The following CRCP variants were observed in gnomAD, a reference collection of about 807,000 sequenced individuals.
CRCP encodes the protein CGRP receptor component.
CRCP carries 18 observed loss-of-function variants against 18.5 expected under a neutral mutation model. The ratio of observed to expected loss-of-function variants is 0.97; its 90% confidence interval spans 0.67 to 1.44. The LOEUF is 1.44. Among genes scored for constraint, CRCP ranks in the 40% most tolerant of loss-of-function variants. The pLI, the probability that CRCP is intolerant of heterozygous loss-of-function variation, is 0.00. For missense variants in CRCP, 130 were observed against 176.4 expected, an observed-to-expected ratio of 0.74 and a Z score of 1.49; for synonymous variants, 53 against 62.9, an observed-to-expected ratio of 0.84 and a Z score of 0.75.
rs1366911076 is a variant in CRCP, at chr7:66,134,367, T to G, written c.232T>G (p.Leu78Val). Residue 78 changes from leucine (L) to valine (V), a missense_variant, in exon 4 of 6, where the codon TTG becomes GTG. Transcript: ENST00000395326. ...EFLTALKSHKLTKAEKLQLLN... is the reference protein window; with the variant it reads ...EFLTALKSHKVTKAEKLQLLN... ...TCTCACAGCATTGAAAAGCCACAAGTTGACCAAGTAAGTAAATCTCTTAAG... is the reference window on the plus strand; with the variant it reads ...TCTCACAGCATTGAAAAGCCACAAGGTGACCAAGTAAGTAAATCTCTTAAG... 1 of 1,604,208 alleles carries G rather than the reference T, an allele frequency of 6.2e-7. No individual in the cohort carries two copies. The highest frequency in any genetic ancestry group is 1.7e-5 in the Admixed American group (1 of 58,852).
At chr7:66,130,128 T>A (rs2115927668) in intron 2 of CRCP, 1 of 257,014 alleles carries the variant, frequency 3.9e-6, no homozygotes, top group Non-Finnish European at 6.9e-6. Context: ...TTTTTTCAGA[T>A]GGAGTCTCGC....
chr7:66,148,453 G>C (rs1043101281), intron 5 of CRCP, among the ~76,000 whole-genome samples: 26 of 152,310 alleles, frequency 1.7e-4, no homozygotes, highest in African/African-American at 5.5e-4. Context: ...TAACACTAGA[G>C]CCATTTTTTC....
At chr7:66,138,621 TAAAAAAAAA>T (rs34807364) in intron 4 of CRCP, among the ~76,000 whole-genome samples, 4 of 93,416 alleles carry the variant, frequency 4.3e-5, no homozygotes, top group African/African-American at 1.7e-4. Flanking sequence ...TCGTCTCTAC[TAAAAAAAAA>T]AAAAAAAAAA....
intron 4 of CRCP, among the ~76,000 whole-genome samples, chr7:66,144,474 CA>C (rs983615457): frequency 7.9e-5 from 12 of 152,102 alleles, no homozygotes; most frequent in African/African-American, 2.9e-4. Context: ...GATGACCACA[CA>C]AGATGATTTT....
At chr7:66,132,822 A>G (rs1161405380) in intron 3 of CRCP, among the ~76,000 whole-genome samples, 2 of 151,742 alleles carry the variant, frequency 1.3e-5, no homozygotes, top group Non-Finnish European at 1.5e-5. Context: ...GAGGCAGGAG[A>G]ATGGCGTGAA....
chr7:66,144,907 G>A (rs971988283), intron 4 of CRCP, among the ~76,000 whole-genome samples: 1 of 152,184 alleles, frequency 6.6e-6, no homozygotes, highest in African/African-American at 2.4e-5. Flanking sequence ...TTACCACTTT[G>A]GGAGGTCGAG....
intron 1 of CRCP, among the ~76,000 whole-genome samples, chr7:66,121,615 A>C (rs1035811012): frequency 1.3e-5 from 2 of 152,126 alleles, no homozygotes; most frequent in Non-Finnish European, 2.9e-5. Context: ...ATGCGCCACC[A>C]TGCAAAATAT....
At chr7:66,150,357 G>GTCTCAAAAAAAAAAAAA (rs1554334970) in intron 5 of CRCP, among the ~76,000 whole-genome samples, 3 of 14,948 alleles carry the variant, frequency 2.0e-4, no homozygotes, top group Admixed American at 1.7e-3. Context: ...CAAGAGTGAA[G>GTCTCAAAAAAAAAAAAA]GGGGGGAGTT....
intron 4 of CRCP, among the ~76,000 whole-genome samples, chr7:66,136,307 C>T (rs897661366): frequency 3.3e-5 from 5 of 151,940 alleles, no homozygotes; most frequent in African/African-American, 9.7e-5. Context: ...CTCGGCTCAC[C>T]GCAACCTCTG....
chr7:66,138,263 A>T (rs958290726), intron 4 of CRCP, among the ~76,000 whole-genome samples: 3 of 152,158 alleles, frequency 2.0e-5, no homozygotes, highest in Non-Finnish European at 4.4e-5. Context: ...ATCAGGCTGG[A>T]TGCAGTGGCT....
chr7:66,114,989 G>A lies in CRCP; in HGVS notation c.8+19G>A. ...TGGAAGTGTAAGTCTTCTCGGGCGC[G>A]TCCCTTTTCGCCCGAGGAGCCCAAC... On this transcript the variant is annotated intron_variant, in intron 1 of 5. Coordinates refer to ENST00000395326, the MANE Select transcript of CRCP (RefSeq NM_014478.5). 6.2e-7 allele frequency: 1 copy of A among 1,607,304 alleles called. No homozygotes were observed. The highest frequency in any genetic ancestry group is 8.5e-7 in the Non-Finnish European group (1 of 1,174,902).
chr7:66,120,176 C>T (rs1787394041), intron 1 of CRCP, among the ~76,000 whole-genome samples: 6 of 151,096 alleles, frequency 4.0e-5, no homozygotes, highest in Admixed American at 4.0e-4. Context: ...AGAGCGAGAC[C>T]CCGTCTCAAA....
At chr7:66,141,782 G>T (rs1381526020) in intron 4 of CRCP, among the ~76,000 whole-genome samples, 2 of 152,200 alleles carry the variant, frequency 1.3e-5, no homozygotes, top group African/African-American at 4.8e-5. Context: ...GAGCTAGGGT[G>T]CAGGGAGTTG....
intron 1 of CRCP, among the ~76,000 whole-genome samples, chr7:66,123,032 G>A (rs1787497249): frequency 6.7e-6 from 1 of 148,934 alleles, no homozygotes; most frequent in African/African-American, 2.5e-5. Flanking sequence ...TCGGCACACT[G>A]TAAGCTCCGC....
intron 3 of CRCP, among the ~76,000 whole-genome samples, chr7:66,131,276 C>T (rs1424720697): frequency 1.3e-5 from 2 of 151,912 alleles, no homozygotes; most frequent in African/African-American, 4.8e-5. Context: ...GCCCAGCCTA[C>T]TCTAACCTAA....
chr7:66,122,826 A>G (rs1050573518), intron 1 of CRCP, among the ~76,000 whole-genome samples: 8 of 152,068 alleles, frequency 5.3e-5, no homozygotes, highest in Admixed American at 1.3e-4. Flanking sequence ...ACTTCTTGAT[A>G]TGTTCTCACA....
Position 66,153,825 on chromosome 7 carries a change from C to A in CRCP, c.*1468C>A, listed in dbSNP as rs889339843. 6.6e-6 allele frequency: 1 copy of A among 151,986 alleles called. No homozygotes were observed. Among genetic ancestry groups the A allele is most frequent in the Non-Finnish European group, 1.5e-5 (1 of 68,030 alleles). The allele number at this position is 151,986 out of a possible 1,614,324, so 9.4% of individuals were successfully genotyped here. ...CCTGTAATCCCAGCACTTTGGGAGG[C>A]GGAGGCTAGCGGATCATGAGGTCAG... On this transcript the variant is annotated 3_prime_UTR_variant, in exon 6 of 6. Coordinates refer to ENST00000395326, the MANE Select transcript of CRCP (RefSeq NM_014478.5).
At chr7:66,116,350 C>G (rs1787261571) in intron 1 of CRCP, among the ~76,000 whole-genome samples, 1 of 151,742 alleles carries the variant, frequency 6.6e-6, no homozygotes, top group Non-Finnish European at 1.5e-5. Context: ...AAGAAGTTAG[C>G]TGGGTGTGGT....
chr7:66,152,077 G>A, intron 5 of CRCP, 131 bp from the exon 6 acceptor site: 3 of 900,882 alleles, frequency 3.3e-6, no homozygotes, highest in East Asian at 5.0e-5. Context: ...AGATGGAGAG[G>A]ACTCACGAGG....
Sources: gnomAD v4.1 joint callset for allele counts (sites outside exome capture counted in the v4.1 genomes callset) on GRCh38, gnomAD v4.1.1 for gene constraint, MANE v1.5 for transcripts, NCBI Gene and HGNC (gene_info 2026-07-23, HGNC 2026-07-21) for gene names.